SEC16B: variants seen among roughly 807,000 people sequenced by gnomAD.
SEC16B encodes the protein protein transport protein Sec16B.
In SEC16B, 115 loss-of-function variants were observed where a neutral mutation model predicts 141.8. The ratio of observed to expected loss-of-function variants is 0.81; its 90% CI spans 0.70 to 0.95. The LOEUF (loss-of-function observed/expected upper bound fraction) is 0.95. Ranked by LOEUF, SEC16B falls within the 40% of genes least tolerant of loss-of-function variation. The pLI, the probability that SEC16B is intolerant of heterozygous loss-of-function variation, is 0.00. For missense variants in SEC16B, 1,291 were observed against 1,312.3 expected (o/e 0.98, Z 0.25); for synonymous variants, 493 against 492.5 (o/e 1.00, Z -0.01).
intron 15 of SEC16B, among the ~76,000 whole-genome samples, chr1:177,943,398 C>G (rs987442639): frequency 1.3e-5 from 2 of 152,160 alleles, no homozygotes; most frequent in Non-Finnish European, 2.9e-5. Flanking sequence ...TGTAACAAAC[C>G]TGCACATTCA....
intron 25 of SEC16B, 31 bp downstream of exon 25, chr1:177,930,514 G>A: frequency 2.0e-6 from 3 of 1,519,540 alleles, no homozygotes; most frequent in Non-Finnish European, 2.7e-6. Flanking sequence ...CTGTACTCCT[G>A]GCCAGCCCCT....
chr1:177,948,180 T>C (rs1244128136), intron 12 of SEC16B, among the ~76,000 whole-genome samples: 2 of 152,308 alleles, frequency 1.3e-5, no homozygotes, highest in African/African-American at 2.4e-5. Context: ...CACAGGGATA[T>C]TGGAAAATGG....
chr1:177,964,214 TC>T lies in SEC16B; in HGVS notation c.598del (p.Glu200SerfsTer74). 1.2e-6 allele frequency: 2 copies of T among 1,613,474 alleles called. No individual in the cohort carries two copies. The highest frequency in any genetic ancestry group is 8.5e-7 in the Non-Finnish European group (1 of 1,179,646). ...ASNSGQEWPG[E>X]LFPGSLLAEA... ...AGCAAGCAGGCTCCCTGGAAACAGC[TC>T]CCCCGGCCACTCCTGTCCAGAGTTG... On this transcript the variant is annotated frameshift_variant, in exon 5 of 26. Coordinates refer to ENST00000308284, the MANE Select transcript of SEC16B (RefSeq NM_033127.4). LOFTEE classifies it high-confidence loss of function.
At chr1:177,954,706 AG>A (rs1365020114) in intron 10 of SEC16B, among the ~76,000 whole-genome samples, 1 of 152,244 alleles carries the variant, frequency 6.6e-6, no homozygotes, top group Non-Finnish European at 1.5e-5. Context: ...ACCAATGTAT[AG>A]TACACTTGAA....
intron 4 of SEC16B, among the ~76,000 whole-genome samples, chr1:177,964,651 T>C (rs889400972): frequency 1.3e-5 from 2 of 152,210 alleles, no homozygotes; most frequent in Non-Finnish European, 2.9e-5. Flanking sequence ...CACAGGGAGA[T>C]GGCCCATTCT....
chr1:177,952,335 GT>G (rs1220375451), intron 11 of SEC16B, among the ~76,000 whole-genome samples: 2 of 152,146 alleles, frequency 1.3e-5, no homozygotes, highest in African/African-American at 4.8e-5. Context: ...AGCCACAGCA[GT>G]TTATCTGGAA....
chr1:177,942,107 T>C (rs1651321713), intron 15 of SEC16B, 67 bp from the exon 16 acceptor site: 1 of 1,491,002 alleles, frequency 6.7e-7, no homozygotes, highest in South Asian at 1.3e-5. Flanking sequence ...GAAACATAGA[T>C]AAGACTTCTT....
chr1:177,950,970 AAGGG>A (rs1234429644), intron 12 of SEC16B, among the ~76,000 whole-genome samples: 21 of 102,166 alleles, frequency 2.1e-4, no homozygotes, highest in African/African-American at 3.8e-4. Context: ...AGAAGGAAGG[AAGGG>A]AGGGAGGGAG....
At chr1:177,943,734 C>G (rs924354851) in intron 15 of SEC16B, among the ~76,000 whole-genome samples, 1 of 152,230 alleles carries the variant, frequency 6.6e-6, no homozygotes, top group Non-Finnish European at 1.5e-5. Flanking sequence ...CCTGCCATGA[C>G]GTCAACGCCG....
At chr1:177,951,205 C>T (rs559950008) in intron 12 of SEC16B, among the ~76,000 whole-genome samples, 1 of 152,060 alleles carries the variant, frequency 6.6e-6, no homozygotes, top group East Asian at 1.9e-4. Flanking sequence ...AGGATATAAT[C>T]CAAGAAAATA....
upstream of SEC16B, among the ~76,000 whole-genome samples, chr1:177,974,110 G>A (rs1654071781): frequency 6.8e-6 from 1 of 146,478 alleles, no homozygotes; most frequent in African/African-American, 2.6e-5. Context: ...AGGCTGTGGA[G>A]ATGAAATGCT....
intron 14 of SEC16B, chr1:177,945,779 T>C (rs1651653658): frequency 6.5e-6 from 1 of 152,990 alleles, no homozygotes. Flanking sequence ...AAGAGCTTAG[T>C]GACTCTTAAC....
intron 20 of SEC16B, among the ~76,000 whole-genome samples, chr1:177,935,604 T>C (rs937817384): frequency 6.6e-6 from 1 of 152,128 alleles, no homozygotes; most frequent in Admixed American, 6.5e-5. Flanking sequence ...TATTTGATTC[T>C]TTATATGATA....
intron 3 of SEC16B, 61 bp downstream of exon 3, chr1:177,965,832 G>A: frequency 9.6e-7 from 1 of 1,040,350 alleles, no homozygotes; most frequent in African/African-American, 1.6e-5. Context: ...TCTCTCCCCT[G>A]CCTCTCAGAC....
chr1:177,947,798 C>A (rs373828376), intron 13 of SEC16B, 27 bp downstream of exon 13: 1 of 857,938 alleles, frequency 1.2e-6, no homozygotes, highest in East Asian at 3.9e-5. Context: ...GGGAGGGGAG[C>A]GGAGGGGAAA....
chr1:177,936,054 C>T (rs1227020343), intron 20 of SEC16B, among the ~76,000 whole-genome samples: 4 of 152,174 alleles, frequency 2.6e-5, no homozygotes, highest in East Asian at 1.9e-4. Flanking sequence ...GAGGCCAAAA[C>T]GAATCAGCTC....
intron 19 of SEC16B, among the ~76,000 whole-genome samples, chr1:177,936,791 G>A (rs1650875191): frequency 6.6e-6 from 1 of 152,214 alleles, no homozygotes; most frequent in Non-Finnish European, 1.5e-5. Context: ...TCGAAGGTCT[G>A]ATGGGCCTGA....
chr1:177,971,083 C>CT (rs200777874), upstream of SEC16B, among the ~76,000 whole-genome samples: 4,802 of 145,684 alleles, frequency 0.033, 239 homozygotes, highest in African/African-American at 0.11. Flanking sequence ...CTAATGGTTT[C>CT]TTTTTTTTTT....
chr1:177,952,611 T>C (rs558429766), intron 11 of SEC16B, among the ~76,000 whole-genome samples: 1 of 152,282 alleles, frequency 6.6e-6, no homozygotes, highest in Admixed American at 6.5e-5. Flanking sequence ...GATTTGAGAT[T>C]TAAGCTTACT....
Sources: gnomAD v4.1 joint callset for allele counts (sites outside exome capture counted in the v4.1 genomes callset) on GRCh38, gnomAD v4.1.1 for gene constraint, MANE v1.5 for transcripts, NCBI Gene and HGNC (gene_info 2026-07-23, HGNC 2026-07-21) for gene names.